Variants in LRRC8D observed in about 807,000 individuals in gnomAD.
The protein encoded by LRRC8D is volume-regulated anion channel subunit LRRC8D.
LRRC8D carries 20 observed loss-of-function variants against 55.8 expected under a neutral mutation model. The ratio of observed to expected loss-of-function variants is 0.36; its 90% CI spans 0.25 to 0.52. The LOEUF (loss-of-function observed/expected upper bound fraction) is 0.52, where lower values mean the gene tolerates loss of function less well. LRRC8D is among the 20% of genes least tolerant of loss of function. The pLI is 0.93. For synonymous variants in LRRC8D, 352 were observed against 377.0 expected (o/e 0.93, Z 0.77); for missense variants, 651 against 1,030.8 (o/e 0.63, Z 5.05).
chr1:89,916,259 G>C (rs1310572462), intron 2 of LRRC8D, among the ~76,000 whole-genome samples: 1 of 152,250 alleles, frequency 6.6e-6, no homozygotes, highest in African/African-American at 2.4e-5. Context: ...TGTCCTATCA[G>C]ATCTGCTTTT....
chr1:89,895,597 T>C (rs1243258380), intron 2 of LRRC8D, among the ~76,000 whole-genome samples: 20 of 152,246 alleles, frequency 1.3e-4, no homozygotes, highest in Admixed American at 1.3e-3. Flanking sequence ...ATTTGACATG[T>C]ACTTTTAAAA....
intron 2 of LRRC8D, among the ~76,000 whole-genome samples, chr1:89,903,797 A>G (rs1464544236): frequency 6.6e-6 from 1 of 152,206 alleles, no homozygotes; most frequent in Non-Finnish European, 1.5e-5. Flanking sequence ...TCTTATTTTT[A>G]TGAACATTTC....
intron 2 of LRRC8D, among the ~76,000 whole-genome samples, chr1:89,915,914 C>A (rs1663254655): frequency 6.6e-6 from 1 of 152,148 alleles, no homozygotes; most frequent in African/African-American, 2.4e-5. Flanking sequence ...AGCAATTCAT[C>A]TAAAATAAGT....
At chr1:89,874,443 TTGTGTG>T (rs36202085) in intron 2 of LRRC8D, among the ~76,000 whole-genome samples, 3,040 of 146,338 alleles carry the variant, frequency 0.021, 86 homozygotes, top group African/African-American at 0.067. Context: ...AAGAAACTAT[TTGTGTG>T]TGTGTGTGTG....
chr1:89,844,788 C>G (rs940081649), intron 2 of LRRC8D, among the ~76,000 whole-genome samples: 1 of 152,116 alleles, frequency 6.6e-6, no homozygotes, highest in African/African-American at 2.4e-5. Context: ...CTTGTTTTAC[C>G]GCCTGTTTAT....
Position 89,930,970 on chromosome 1 carries a change from A to G in LRRC8D, c.-2-2097A>G, listed in dbSNP as rs547381397. ...TCTCCCACTTCCCCTACTAAGGTAC[A>G]AAGTTATTTTTCTTTTTTTCACTTC... On this transcript the variant is annotated intron_variant, in intron 2 of 2. Transcript: ENST00000337338. 4.6e-4 allele frequency among the ~76,000 whole-genome samples: 69 copies of G among 151,456 alleles called. No homozygotes were observed. In the East Asian group the frequency reaches 0.011, roughly 25 times the overall value.
intron 1 of LRRC8D, chr1:89,833,616 T>C (rs1660935569): frequency 6.6e-6 from 1 of 152,134 alleles, no homozygotes; most frequent in Non-Finnish European, 1.5e-5. Context: ...CTCCTGTAAA[T>C]GGGGGAGGGG....
intron 2 of LRRC8D, among the ~76,000 whole-genome samples, chr1:89,892,306 C>G (rs1214630142): frequency 6.6e-6 from 1 of 152,188 alleles, no homozygotes; most frequent in African/African-American, 2.4e-5. Context: ...CCTGCCTTTT[C>G]AACCTATGGA....
Position 89,933,991 on chromosome 1 carries a change from A to T in LRRC8D, c.923A>T (p.Tyr308Phe), listed in dbSNP as rs917494992. 6.2e-7 allele frequency: 1 copy of T among 1,614,046 alleles called. No individual in the cohort carries two copies. Among genetic ancestry groups the T allele is most frequent in the Non-Finnish European group, 8.5e-7 (1 of 1,180,030 alleles). ...GATAGTGACTTGATCTATAAACTCT[A>T]TGTGGTCCAAACAGTTATCAAAACA... ...VEDSDLIYKL[Y>F]VVQTVIKTAK... is the part of the protein sequence containing the mutation. The change falls in exon 3 of 3, where the codon TAT becomes TTT. Residue 308 changes from tyrosine to phenylalanine, a missense_variant. By Grantham distance (22) the Tyr-to-Phe change is conservative (BLOSUM62 3). Transcript: ENST00000337338. This position sits in a 1 kb window ranked among gnomAD's most constrained non-coding sequence, Gnocchi z 7.0.
At position 89,824,749 on chromosome 1, in the gene LRRC8D, G is replaced by T. The variant is rs143534368; in HGVS notation, c.-148+3458G>T. Among the ~76,000 whole-genome samples, 32 of 152,228 alleles carry T rather than the reference G, an allele frequency of 2.1e-4. No individual in the cohort carries two copies. The East Asian group carries it at 6.0e-3, about 28-fold the overall frequency. On this transcript the variant is annotated intron_variant, in intron 1 of 2. Transcript: ENST00000337338. ...GTCTTTTATTGGGATGTGGTTTCTCGATGTCTTCTCAGTTTATCGGCATCT... is the reference window on the plus strand; with the variant it reads ...GTCTTTTATTGGGATGTGGTTTCTCTATGTCTTCTCAGTTTATCGGCATCT...
At position 89,909,308 on chromosome 1, in the gene LRRC8D, C is replaced by T. The variant is rs74517675; in HGVS notation, c.-2-23759C>T. Among the ~76,000 whole-genome samples, 74 of 151,944 alleles carry T rather than the reference C, an allele frequency of 4.9e-4. 1 individual carries two copies. In the East Asian group the frequency reaches 0.011, roughly 23 times the overall value. On this transcript the variant is annotated intron_variant, in intron 2 of 2. Transcript: ENST00000337338. ...GATTGTGTCATTAGTAATAAAGTCC[C>T]GAGGCATTTAGGAAACACACTGCCT...
chr1:89,822,125 T>C (rs1282519762), intron 1 of LRRC8D: 1 of 152,598 alleles, frequency 6.6e-6, no homozygotes, highest in Non-Finnish European at 1.5e-5. Flanking sequence ...ATGAGATTTT[T>C]TGATTTCTTA....
intron 2 of LRRC8D, among the ~76,000 whole-genome samples, chr1:89,872,154 G>A (rs1400564043): frequency 6.6e-6 from 1 of 152,188 alleles, no homozygotes; most frequent in Admixed American, 6.5e-5. Context: ...AAGTGCCATA[G>A]TTTAAACGTA....
chr1:89,844,334 G>A (rs1429066764), intron 2 of LRRC8D, among the ~76,000 whole-genome samples: 2 of 152,148 alleles, frequency 1.3e-5, no homozygotes, highest in Non-Finnish European at 2.9e-5. Flanking sequence ...AGAGGACCCC[G>A]GTTCCTTGGT....
At chr1:89,920,642 G>T (rs1406622398) in intron 2 of LRRC8D, among the ~76,000 whole-genome samples, 2 of 143,338 alleles carry the variant, frequency 1.4e-5, no homozygotes, top group African/African-American at 2.6e-5. Flanking sequence ...TTGTATACTT[G>T]TAATACCCAT....
chr1:89,906,012 T>C (rs1222257529), intron 2 of LRRC8D, among the ~76,000 whole-genome samples: 2 of 152,176 alleles, frequency 1.3e-5, no homozygotes, highest in African/African-American at 4.8e-5. Context: ...CTCTCTACAA[T>C]TGTATTTGAA....
chr1:89,857,721 A>G (rs1188589918), intron 2 of LRRC8D, among the ~76,000 whole-genome samples: 6 of 152,184 alleles, frequency 3.9e-5, no homozygotes, highest in African/African-American at 1.4e-4. Flanking sequence ...CCTGTCCTAT[A>G]CCTTCTGTGC....
In LRRC8D at chr1:89,828,791, G is replaced by A. The variant is rs532982478; in HGVS notation, c.-148+7500G>A. On this transcript the variant is annotated intron_variant, in intron 1 of 2. Transcript: ENST00000337338. ...TTTTTCTTTCCTCTTATGCTTGCTG[G>A]TAATAGTTAGGAACATTGCCAGAGA... Among the ~76,000 whole-genome samples the A allele has an allele frequency of 5.3e-5, 8 of 151,860 alleles. No individual in the cohort carries two copies. In the South Asian group the frequency reaches 1.7e-3, roughly 32 times the overall value.
chr1:89,874,272 G>A (rs183677514), intron 2 of LRRC8D, among the ~76,000 whole-genome samples: 1 of 152,284 alleles, frequency 6.6e-6, no homozygotes, highest in Non-Finnish European at 1.5e-5. Context: ...GGAGGCAGAG[G>A]ACTAGAGTTT....
Sources: allele counts gnomAD v4.1 joint callset (sites outside exome capture counted in the v4.1 genomes callset), GRCh38; gene constraint gnomAD v4.1.1; non-coding constraint Gnocchi (gnomAD v3.1); transcripts MANE v1.5; gene names NCBI Gene and HGNC (gene_info 2026-07-23, HGNC 2026-07-21).